The following LRBA variants were observed in gnomAD, a reference collection of about 807,000 sequenced individuals.
LRBA encodes lipopolysaccharide-responsive and beige-like anchor protein.
In LRBA, 176 loss-of-function variants were observed where a neutral mutation model predicts 330.0. The observed-to-expected ratio is 0.53, with a 90% CI of 0.47 to 0.60. The LOEUF is 0.60. LRBA is among the 20% of genes least tolerant of loss of function. The probability of loss-of-function intolerance (pLI) is 0.00; values close to 1 mark genes in which losing one functional copy is unlikely to be tolerated. For synonymous variants in LRBA, 1,230 were observed against 1,193.0 expected (o/e 1.03, Z -0.64); for missense variants, 3,259 against 3,444.8 (o/e 0.95, Z 1.35).
chr4:150,607,178 T>A (rs550029481), intron 37 of LRBA, among the ~76,000 whole-genome samples: 112 of 152,254 alleles, frequency 7.4e-4, no homozygotes, highest in Middle Eastern at 6.8e-3. Flanking sequence ...CTTGTAGAGT[T>A]AACTAAAGTA....
chr4:150,546,853 A>C (rs1765918589), intron 40 of LRBA, among the ~76,000 whole-genome samples: 1 of 152,222 alleles, frequency 6.6e-6, no homozygotes, highest in Admixed American at 6.5e-5. Flanking sequence ...TTTAATATGC[A>C]TTGATCATAG....
chr4:150,626,522 C>G (rs1243942303), intron 37 of LRBA, among the ~76,000 whole-genome samples: 2 of 151,952 alleles, frequency 1.3e-5, no homozygotes, highest in Non-Finnish European at 2.9e-5. Context: ...TTTTCAGTAT[C>G]ACATACCATT....
chr4:150,891,161 T>C (rs141590150), intron 17 of LRBA, among the ~76,000 whole-genome samples: 3,157 of 152,324 alleles, frequency 0.021, 48 homozygotes, highest in South Asian at 0.046. Context: ...TGTGTTAATA[T>C]GGCTATCATA....
intron 2 of LRBA, among the ~76,000 whole-genome samples, chr4:150,988,001 CAAAA>C (rs545392419): frequency 4.4e-5 from 3 of 68,554 alleles, no homozygotes; most frequent in Non-Finnish European, 5.9e-5. Flanking sequence ...GACTCCGTCT[CAAAA>C]AAAAAAAAAA....
intron 56 of LRBA, among the ~76,000 whole-genome samples, chr4:150,266,954 A>G (rs1044588447): frequency 6.6e-6 from 1 of 152,222 alleles, no homozygotes; most frequent in African/African-American, 2.4e-5. Context: ...AAAAACTGTT[A>G]CAAGAGACAA....
At chr4:150,495,934 T>A (rs1759541580) in intron 40 of LRBA, among the ~76,000 whole-genome samples, 1 of 152,206 alleles carries the variant, frequency 6.6e-6, no homozygotes, top group African/African-American at 2.4e-5. Context: ...TTATTGTTAG[T>A]ATTATTATTA....
chr4:150,419,356 T>C (rs1284019741), intron 46 of LRBA, among the ~76,000 whole-genome samples: 1 of 152,136 alleles, frequency 6.6e-6, no homozygotes, highest in African/African-American at 2.4e-5. Flanking sequence ...ATATGTATCT[T>C]AGACAATAAA....
chr4:150,966,578 G>C (rs775919832), intron 2 of LRBA, among the ~76,000 whole-genome samples: 10 of 149,728 alleles, frequency 6.7e-5, no homozygotes, highest in Non-Finnish European at 1.0e-4. Flanking sequence ...CGCCCGCTTC[G>C]GCCTCCCAGA....
chr4:150,513,876 A>G (rs576102712), intron 40 of LRBA, among the ~76,000 whole-genome samples: 1 of 152,176 alleles, frequency 6.6e-6, no homozygotes, highest in Non-Finnish European at 1.5e-5. Context: ...ACATCAGTCC[A>G]TAGCATCTCC....
At chr4:150,423,354 G>A in intron 46 of LRBA, 1 of 679,740 alleles carries the variant, frequency 1.5e-6, no homozygotes, top group Non-Finnish European at 2.6e-6. Context: ...AGGCGTCAAG[G>A]GTCTTCTGCC....
chr4:150,436,596 T>C (rs547428181), intron 45 of LRBA, 128 bp downstream of exon 45: 17 of 674,742 alleles, frequency 2.5e-5, no homozygotes, highest in East Asian at 2.3e-4. Flanking sequence ...TATTTATAAT[T>C]AGAACTTCAA....
rs34558110 is a variant in LRBA at position 150,492,175 on chromosome 4, G to GAAAA, written c.6331-1144_6331-1141dup. Among the ~76,000 whole-genome samples, 6 of 135,486 alleles carry GAAAA rather than the reference G, an allele frequency of 4.4e-5. No homozygotes were observed. In the East Asian group the frequency reaches 8.5e-4, roughly 19 times the overall value. 88.9% of individuals were successfully genotyped at this position (135,486 alleles called of 152,430 possible). On this transcript the variant is annotated intron_variant, in intron 40 of 56. Coordinates refer to ENST00000651943, the MANE Select transcript of LRBA (RefSeq NM_001364905.1). Reference sequence around the variant, plus strand: ...CTCCAGTGCAGAATGTAGTTTTTTTGAAAAAAAAAAAAAAGAGTAACAAAC... The same window carrying GAAAA: ...CTCCAGTGCAGAATGTAGTTTTTTTGAAAAAAAAAAAAAAAAAAGAGTAACAAAC...
At chr4:150,967,181 T>C (rs537536827) in intron 2 of LRBA, among the ~76,000 whole-genome samples, 7 of 152,348 alleles carry the variant, frequency 4.6e-5, no homozygotes, top group East Asian at 1.9e-4. Context: ...ACTCTAATGA[T>C]AGCACATTAT....
intron 40 of LRBA, among the ~76,000 whole-genome samples, chr4:150,510,431 C>A (rs1281043520): frequency 6.6e-6 from 1 of 152,152 alleles, no homozygotes; most frequent in Admixed American, 6.5e-5. Flanking sequence ...AAAAGGCAGT[C>A]TGCACTTAAA....
intron 2 of LRBA, among the ~76,000 whole-genome samples, chr4:150,941,391 T>TCTG: frequency 6.6e-6 from 1 of 152,042 alleles, no homozygotes; most frequent in Non-Finnish European, 1.5e-5. Context: ...GACCTTGTGA[T>TCTG]CCACCCACCT....
intron 46 of LRBA, among the ~76,000 whole-genome samples, chr4:150,430,409 G>A (rs919886795): frequency 1.1e-4 from 17 of 152,132 alleles, no homozygotes; most frequent in Admixed American, 5.9e-4. Context: ...TCACAAAGCA[G>A]AAGGCCCCTC....
Position 150,350,041 on chromosome 4 carries a change from T to C in LRBA, c.7313A>G (p.Tyr2438Cys), listed in dbSNP as rs1736926173. The C allele has an allele frequency of 2.5e-6, 4 of 1,613,838 alleles. No homozygotes were observed. The highest frequency in any genetic ancestry group is 2.2e-5 in the East Asian group (1 of 44,866). ...TGAATTCAGATTGACAGCTCCTTCA[T>C]AGGTCAAGTAATAGAACACATTGAG... is the stretch of plus-strand genomic sequence containing the variant. ...RALNVFYYLTYEGAVNLNSIT... is the reference protein window; with the variant it reads ...RALNVFYYLTCEGAVNLNSIT... Residue 2438 changes from tyrosine (Y) to cysteine (C), a missense_variant, in exon 48 of 57, where the codon TAT (tyrosine) becomes TGT (cysteine). Transcript: ENST00000651943.
intron 38 of LRBA, among the ~76,000 whole-genome samples, chr4:150,591,974 G>T (rs1772897159): frequency 6.6e-6 from 1 of 151,976 alleles, no homozygotes; most frequent in Non-Finnish European, 1.5e-5. Flanking sequence ...ATTGTGATTT[G>T]TAAAACTTCA....
chr4:150,277,749 G>C, intron 56 of LRBA, 104 bp downstream of exon 56: 1 of 1,160,764 alleles, frequency 8.6e-7, no homozygotes, highest in Non-Finnish European at 1.2e-6. Flanking sequence ...TGATTCTCCT[G>C]CCTCAGCCTC....
Sources: allele counts gnomAD v4.1 joint callset (sites outside exome capture counted in the v4.1 genomes callset), GRCh38; gene constraint gnomAD v4.1.1; transcripts MANE v1.5; gene names NCBI Gene and HGNC (gene_info 2026-07-23, HGNC 2026-07-21).